The following SLC24A3 variants were observed in gnomAD, a reference collection of about 807,000 sequenced individuals.
SLC24A3 encodes the protein solute carrier family 24 member 3.
In SLC24A3, 28 loss-of-function variants were observed where a neutral mutation model predicts 75.8. That is an observed-to-expected ratio of 0.37 (90% confidence interval 0.27 to 0.51). The LOEUF (loss-of-function observed/expected upper bound fraction) is 0.51. SLC24A3 is among the 20% of genes least tolerant of loss of function. The pLI, the probability that SLC24A3 is intolerant of heterozygous loss-of-function variation, is 0.94. For missense variants in SLC24A3, 663 were observed against 847.8 expected, an observed-to-expected ratio of 0.78 and a Z score of 2.71; for synonymous variants, 372 against 334.1, an observed-to-expected ratio of 1.11 and a Z score of -1.24.
At chr20:19,585,942 T>C (rs141831841) in intron 6 of SLC24A3, among the ~76,000 whole-genome samples, 1 of 152,374 alleles carries the variant, frequency 6.6e-6, no homozygotes, top group East Asian at 1.9e-4. Context: ...ACAATGAGAA[T>C]ACATGAGAAT....
intron 2 of SLC24A3, among the ~76,000 whole-genome samples, chr20:19,285,039 C>T (rs1199971010): frequency 6.6e-6 from 1 of 152,178 alleles, no homozygotes; most frequent in Non-Finnish European, 1.5e-5. Flanking sequence ...TCCTCCCCTT[C>T]CCTCTGCCCT....
intron 2 of SLC24A3, among the ~76,000 whole-genome samples, chr20:19,466,908 A>C (rs79963834): frequency 0.043 from 6,489 of 152,274 alleles, 449 homozygotes; most frequent in African/African-American, 0.15. Flanking sequence ...ACTACATGTC[A>C]GGGCTTATTC....
chr20:19,649,937 C>G (rs141750937), intron 6 of SLC24A3, among the ~76,000 whole-genome samples: 2 of 152,320 alleles, frequency 1.3e-5, no homozygotes, highest in South Asian at 2.1e-4. Flanking sequence ...GGATACAGAA[C>G]CCTTCTAAAC....
intron 1 of SLC24A3, chr20:19,266,071 A>T (rs1275316059): frequency 6.6e-6 from 1 of 152,534 alleles, no homozygotes; most frequent in Non-Finnish European, 1.5e-5. Flanking sequence ...GCAGGCACCA[A>T]ACTTGCAGTG....
intron 2 of SLC24A3, among the ~76,000 whole-genome samples, chr20:19,295,306 A>G (rs1984033563): frequency 6.6e-6 from 1 of 152,200 alleles, no homozygotes; most frequent in African/African-American, 2.4e-5. Context: ...TAATCTGCAA[A>G]CAGAGACAGT....
chr20:19,406,847 A>G (rs1201138315), intron 2 of SLC24A3, among the ~76,000 whole-genome samples: 2 of 152,186 alleles, frequency 1.3e-5, no homozygotes, highest in Non-Finnish European at 2.9e-5. Context: ...TGTAAGTTAG[A>G]GAAATATTGC....
chr20:19,277,948 AGTG>A (rs1215012511), intron 1 of SLC24A3, among the ~76,000 whole-genome samples: 3 of 152,216 alleles, frequency 2.0e-5, no homozygotes, highest in Middle Eastern at 3.2e-3. Flanking sequence ...CCCAGAGAAC[AGTG>A]GAATGGCCAC....
In SLC24A3 at chr20:19,572,163, GC is replaced by G. The variant is rs111356104; in HGVS notation, c.349-7832del. Reference sequence around the variant, plus strand: ...ACCAGCCTTGGCAACATAGGGAGGAGCCCCCTCCCCCTCTAAAAATGTTACG... The same window carrying G: ...ACCAGCCTTGGCAACATAGGGAGGAGCCCCTCCCCCTCTAAAAATGTTACG... On this transcript the variant is annotated intron_variant, in intron 3 of 16. Transcript: ENST00000328041. 2.6e-5 allele frequency among the ~76,000 whole-genome samples: 4 copies of G among 152,152 alleles called. 1 individual carries two copies. Among genetic ancestry groups the G allele is most frequent in the African/African-American group, 9.6e-5 (4 of 41,510 alleles).
chr20:19,225,229 T>C (rs1981840176), intron 1 of SLC24A3, among the ~76,000 whole-genome samples: 1 of 152,228 alleles, frequency 6.6e-6, no homozygotes, highest in South Asian at 2.1e-4. Context: ...TTCTGGGTTG[T>C]GATTTGAAGA....
chr20:19,299,196 G>A (rs759274832), intron 2 of SLC24A3, among the ~76,000 whole-genome samples: 2,880 of 139,826 alleles, frequency 0.021, 35 homozygotes, highest in African/African-American at 0.034. Context: ...GTGTGTGTGT[G>A]TATGTGTGTG....
chr20:19,310,405 A>C lies in SLC24A3; in HGVS notation c.271+29318A>C, dbSNP rs111232555. On this transcript the variant is annotated intron_variant, in intron 2 of 16. Transcript: ENST00000328041. ...TGCTGAGCTAGTGTATGTTCAGTAA[A>C]TATTAATTTTCTCTTCCATTTTTAA... Among the ~76,000 whole-genome samples, 145 of 152,354 alleles carry C rather than the reference A, an allele frequency of 9.5e-4. 1 individual carries two copies. Among genetic ancestry groups the C allele is most frequent in the African/African-American group, 3.3e-3 (139 of 41,582 alleles).
chr20:19,328,686 G>A (rs1398848640), intron 2 of SLC24A3, among the ~76,000 whole-genome samples: 1 of 152,176 alleles, frequency 6.6e-6, no homozygotes, highest in East Asian at 1.9e-4. Flanking sequence ...TGTGTTGGAA[G>A]TGCTCATTTT....
At chr20:19,330,218 G>C (rs931409559) in intron 2 of SLC24A3, among the ~76,000 whole-genome samples, 2 of 152,190 alleles carry the variant, frequency 1.3e-5, no homozygotes, top group African/African-American at 2.4e-5. Context: ...GCTGGGCTGA[G>C]GAGGGCCTCC....
At chr20:19,399,358 A>C (rs1341964819) in intron 2 of SLC24A3, among the ~76,000 whole-genome samples, 1 of 152,046 alleles carries the variant, frequency 6.6e-6, no homozygotes, top group Non-Finnish European at 1.5e-5. Flanking sequence ...CACTGATTTG[A>C]AACCTTTCTT....
At chr20:19,459,296 C>T (rs971753049) in intron 2 of SLC24A3, among the ~76,000 whole-genome samples, 2 of 152,172 alleles carry the variant, frequency 1.3e-5, no homozygotes, top group African/African-American at 4.8e-5. Context: ...CCATTTAGTG[C>T]TTCCCTAACA....
chr20:19,678,636 G>T (rs1296023856), intron 9 of SLC24A3, among the ~76,000 whole-genome samples: 2 of 108,512 alleles, frequency 1.8e-5, no homozygotes, highest in Admixed American at 8.3e-5. Context: ...GGCCCCGGGC[G>T]GGGGGCTGAC....
intron 2 of SLC24A3, among the ~76,000 whole-genome samples, chr20:19,333,037 G>A (rs928639625): frequency 6.6e-6 from 1 of 152,206 alleles, no homozygotes; most frequent in African/African-American, 2.4e-5. Flanking sequence ...GGGCTGTTTT[G>A]TTGTGGGATC....
At chr20:19,340,260 G>A (rs1195206362) in intron 2 of SLC24A3, among the ~76,000 whole-genome samples, 1 of 152,200 alleles carries the variant, frequency 6.6e-6, no homozygotes, top group African/African-American at 2.4e-5. Context: ...TGCACACAGG[G>A]AGCACTCCAT....
chr20:19,619,652 C>A (rs1306487148), intron 6 of SLC24A3, among the ~76,000 whole-genome samples: 1 of 152,126 alleles, frequency 6.6e-6, no homozygotes, highest in Non-Finnish European at 1.5e-5. Context: ...TCTCAAGGCC[C>A]CTAAACAAGG....
Sources: gnomAD v4.1 joint callset for allele counts (sites outside exome capture counted in the v4.1 genomes callset) on GRCh38, gnomAD v4.1.1 for gene constraint, MANE v1.5 for transcripts, NCBI Gene and HGNC (gene_info 2026-07-23, HGNC 2026-07-21) for gene names.